Variants in LAD1 observed in about 807,000 individuals in gnomAD.
LAD1 encodes ladinin 1, also known as ladinin-1.
LAD1 carries 53 observed loss-of-function variants against 54.2 expected under a neutral mutation model. That is an observed-to-expected ratio of 0.98 (90% CI 0.78 to 1.23). The LOEUF (loss-of-function observed/expected upper bound fraction) is 1.23, where lower values mean the gene tolerates loss of function less well. LAD1 is among the 50% of genes most tolerant of loss of function. The pLI is 0.00. For synonymous variants in LAD1, 231 were observed against 257.7 expected, an observed-to-expected ratio of 0.90 and a Z score of 0.99; for missense variants, 637 against 653.3, an observed-to-expected ratio of 0.98 and a Z score of 0.27.
intron 1 of LAD1, among the ~76,000 whole-genome samples, chr1:201,391,920 GT>G (rs1558273089): frequency 6.6e-6 from 1 of 152,188 alleles, no homozygotes. Context: ...AGGTTAAAAG[GT>G]TCTAGAAAAG....
At position 201,382,666 on chromosome 1, in the gene LAD1, T is replaced by C; in HGVS notation, c.1460A>G (p.Asp487Gly). The change falls in exon 8 of 10, where the codon GAT becomes GGT. Residue 487 changes from aspartate (D) to glycine (G), a missense_variant. Coordinates refer to ENST00000391967, the MANE Select transcript of LAD1 (RefSeq NM_005558.4). ...GGGTGAGGATACCTGGGGGTCCTGA[T>C]CTCCAGATTCCTGGGTCCTGCTGAT... ...LWISRTQESG[D>G]QDPQEAQKAS... 6.2e-7 allele frequency: 1 copy of C among 1,603,774 alleles called. No homozygotes were observed.
intron 1 of LAD1, among the ~76,000 whole-genome samples, chr1:201,398,138 G>A (rs920398299): frequency 6.6e-6 from 1 of 152,192 alleles, no homozygotes; most frequent in African/African-American, 2.4e-5. Context: ...CTATGGAGAG[G>A]CTAAGCCTGA....
Position 201,399,318 on chromosome 1 carries a change from CCCGCG to C in LAD1, c.-17_-13del. ...CTGCTGACAGCCATGCTGCAGGAGC[CCCGCG>C]TGGCCGCCCGCGCCCCGCCGGCCGC... On this transcript the variant is annotated 5_prime_UTR_variant, in exon 1 of 10. Coordinates refer to ENST00000391967, the MANE Select transcript of LAD1 (RefSeq NM_005558.4). The C allele has an allele frequency of 6.5e-7, 1 of 1,533,616 alleles. No homozygotes were observed. Among genetic ancestry groups the C allele is most frequent in the African/African-American group, 1.4e-5 (1 of 72,644 alleles).
In LAD1 at chr1:201,389,219, C is replaced by T. The variant is rs931385147; in HGVS notation, c.123G>A (p.Thr41=). 26 of 1,614,204 alleles carry T rather than the reference C, an allele frequency of 1.6e-5. No individual in the cohort carries two copies. Among genetic ancestry groups the T allele is most frequent in the African/African-American group, 2.7e-5 (2 of 75,074 alleles). ...GGCTGAGCCTGGGAGCCTCATCGTC[C>T]GTGGTGGAGCTCAGGTTGCGGTGCC... ...RRRHRNLSST[T]DDEAPRLSQN... The change falls in exon 2 of 10, where the codon ACG becomes ACA. Residue 41 remains threonine (T), a synonymous_variant. Coordinates refer to ENST00000391967, the MANE Select transcript of LAD1 (RefSeq NM_005558.4).
chr1:201,384,603 C>T, intron 5 of LAD1, 189 bp downstream of exon 5: 1 of 623,918 alleles, frequency 1.6e-6, no homozygotes, highest in Non-Finnish European at 2.8e-6. Context: ...ATCCTTGTTC[C>T]ATCTTATCCC....
At chr1:201,383,590 A>C (rs1239319984) in intron 5 of LAD1, 1 of 621,542 alleles carries the variant, frequency 1.6e-6, no homozygotes, top group Non-Finnish European at 2.9e-6. Context: ...ACTTCCAAGA[A>C]ACGTCCCATT....
At chr1:201,399,084 A>G (rs1270645140) in intron 1 of LAD1, among the ~76,000 whole-genome samples, 185 bp downstream of exon 1, 1 of 152,104 alleles carries the variant, frequency 6.6e-6, no homozygotes, top group Admixed American at 6.5e-5. Context: ...AGGGGAGAAG[A>G]CCCACCCTGT....
chr1:201,396,961 A>G (rs1662301748), intron 1 of LAD1, among the ~76,000 whole-genome samples: 1 of 152,152 alleles, frequency 6.6e-6, no homozygotes, highest in African/African-American at 2.4e-5. Flanking sequence ...CCCTGCAGAC[A>G]GGCCTGGCCC....
At chr1:201,381,984 C>A in intron 9 of LAD1, 91 bp from the exon 10 acceptor site, 1 of 1,363,772 alleles carries the variant, frequency 7.3e-7, no homozygotes, top group South Asian at 1.3e-5. Context: ...TCCCTTTGCC[C>A]AAGCCCCACA....
Position 201,386,584 on chromosome 1 carries a change from T to C in LAD1, c.777A>G (p.Lys259=). ...CCAGTGCCTTCTCAAAGATGGAAGC[T>C]TTCTCAGACACCAGCCTCCTTCCTG... ...LGSGRRLVSE[K]ASIFEKALAS... The change falls in exon 3 of 10, where the codon AAA becomes AAG. Residue 259 remains lysine, a synonymous_variant. Coordinates refer to ENST00000391967, the MANE Select transcript of LAD1 (RefSeq NM_005558.4). 1.2e-6 allele frequency: 2 copies of C among 1,614,100 alleles called. No individual in the cohort carries two copies. Among genetic ancestry groups the C allele is most frequent in the Non-Finnish European group, 1.7e-6 (2 of 1,180,026 alleles).
chr1:201,388,131 AC>A (rs1225266333), intron 2 of LAD1, among the ~76,000 whole-genome samples: 1 of 152,124 alleles, frequency 6.6e-6, no homozygotes, highest in Non-Finnish European at 1.5e-5. Flanking sequence ...AGCGGCTCAC[AC>A]CTGTAATCCC....
At chr1:201,382,482 C>T (rs1471286610) in intron 8 of LAD1, among the ~76,000 whole-genome samples, 156 bp from the exon 9 acceptor site, 1 of 151,864 alleles carries the variant, frequency 6.6e-6, no homozygotes, top group Non-Finnish European at 1.5e-5. Context: ...GAGTCTGACC[C>T]ACACACCCAT....
rs1662088435 is a variant in LAD1, at chr1:201,386,458, G to C, written c.903C>G (p.Ser301Arg). Residue 301 changes from serine (S) to arginine (R), a missense_variant, in exon 3 of 10, where the codon AGC becomes AGG. Coordinates refer to ENST00000391967, the MANE Select transcript of LAD1 (RefSeq NM_005558.4). Reference sequence around the variant, plus strand: ...CTCTCTGCTCCTTGGTGGTGGCTGGGCTTCCCCCAGAGGCTGGCGGCTCCT... The same window carrying C: ...CTCTCTGCTCCTTGGTGGTGGCTGGCCTTCCCCCAGAGGCTGGCGGCTCCT... ...LAQEPPASGG[S>R]PATTKEQRGR... 1 of 1,546,674 alleles carries C rather than the reference G, an allele frequency of 6.5e-7. No homozygotes were observed. The highest frequency in any genetic ancestry group is 1.4e-5 in the African/African-American group (1 of 72,204).
intron 1 of LAD1, among the ~76,000 whole-genome samples, chr1:201,398,915 C>G (rs1038227073): frequency 2.0e-5 from 3 of 152,184 alleles, no homozygotes; most frequent in Non-Finnish European, 4.4e-5. Flanking sequence ...AGAGGCTTCT[C>G]TCAGGAATGA....
At chr1:201,398,460 G>A (rs140081504) in intron 1 of LAD1, among the ~76,000 whole-genome samples, 1 of 152,188 alleles carries the variant, frequency 6.6e-6, no homozygotes, top group African/African-American at 2.4e-5. Flanking sequence ...GGGGCGCCCA[G>A]TGGAGGAATG....
chr1:201,392,703 C>A (rs1410902172), intron 1 of LAD1, among the ~76,000 whole-genome samples: 1 of 152,020 alleles, frequency 6.6e-6, no homozygotes, highest in African/African-American at 2.4e-5. Context: ...GGTTTTATTC[C>A]AGGTGTGCTG....
chr1:201,383,497 A>G (rs1662011491), intron 5 of LAD1, 108 bp from the exon 6 acceptor site: 2 of 1,046,752 alleles, frequency 1.9e-6, no homozygotes, highest in Non-Finnish European at 3.0e-6. Context: ...ATTGTGGCCA[A>G]GAGAATGTGG....
Position 201,384,447 on chromosome 1 carries a change from G to T in LAD1, c.1175+345C>A, listed in dbSNP as rs142334302. Among the ~76,000 whole-genome samples the T allele has an allele frequency of 9.7e-4, 147 of 152,170 alleles. 1 individual carries two copies. In the East Asian group the frequency reaches 0.025, roughly 26 times the overall value. ...CCCCCCAACCAGGCCTGCTGGAGCA[G>T]GGGCTTCCCCTCCCTTACACTGTTC... is the stretch of plus-strand genomic sequence containing the variant. On this transcript the variant is annotated intron_variant, in intron 5 of 9. Coordinates refer to ENST00000391967, the MANE Select transcript of LAD1 (RefSeq NM_005558.4).
In LAD1 at chr1:201,388,551, T is replaced by TG. The variant is rs571265360; in HGVS notation, c.182+608dup. On this transcript the variant is annotated intron_variant, in intron 2 of 9. Transcript: ENST00000391967. ...TACAAAAATTAGCTGGCTGTGGTGG[T>TG]GGGTGCCTGTAGTCCCAGCTACTCA... Among the ~76,000 whole-genome samples the TG allele has an allele frequency of 2.1e-3, 320 of 151,342 alleles. 3 individuals carry two copies. Among genetic ancestry groups the TG allele is most frequent in the Middle Eastern group, 6.8e-3 (2 of 292 alleles).
Sources: allele counts gnomAD v4.1 joint callset (sites outside exome capture counted in the v4.1 genomes callset), GRCh38; gene constraint gnomAD v4.1.1; transcripts MANE v1.5; gene names NCBI Gene and HGNC (gene_info 2026-07-23, HGNC 2026-07-21).